ZBTB7B: variants seen among roughly 807,000 people sequenced by gnomAD.
The protein encoded by ZBTB7B is zinc finger and BTB domain-containing protein 7B.
A neutral mutation model predicts 31.0 loss-of-function variants in ZBTB7B; 8 were observed. The ratio of observed to expected loss-of-function variants is 0.26; its 90% CI spans 0.15 to 0.47. The LOEUF is 0.47. Among genes scored for constraint, ZBTB7B ranks in the 20% least tolerant of loss-of-function variants. The pLI is 0.99. For synonymous variants in ZBTB7B, 261 were observed against 307.3 expected, an observed-to-expected ratio of 0.85 and a Z score of 1.58; for missense variants, 494 against 742.4, an observed-to-expected ratio of 0.67 and a Z score of 3.89.
chr1:155,015,930 GGGC>G, intron 2 of ZBTB7B, 116 bp downstream of exon 2: 1 of 1,297,628 alleles, frequency 7.7e-7, no homozygotes, highest in South Asian at 1.4e-5. Context: ...GGAGGGACTG[GGGC>G]ATGGGTGGGT....
rs1323618418 is a variant in ZBTB7B, at chr1:155,015,489, G to A, written c.829G>A (p.Glu277Lys). Residue 277 changes from glutamate to lysine, a missense_variant, in exon 2 of 3, where the codon GAA (glutamate) becomes AAA (lysine). By Grantham distance (56) the Glu-to-Lys change is moderately conservative (BLOSUM62 1). This residue lies in a region of ZBTB7B where 216 missense variants were observed against 229.3 expected (regional missense o/e 0.94). Transcript: ENST00000535420. ...PQSYEPYEGE[E>K]EEEELVYPPA... is the part of the protein sequence containing the mutation. ...GAGCTACGAACCCTATGAGGGTGAG[G>A]AAGAAGAAGAGGAGCTGGTATATCC... 1 of 1,613,058 alleles carries A rather than the reference G, an allele frequency of 6.2e-7. No individual in the cohort carries two copies.
rs796321821 is a variant in ZBTB7B, at chr1:155,012,291, T to C, written c.-6-2364T>C. The stretch of plus-strand genomic sequence containing the variant: ...GTGGGCAGGGAAGGAGGGAGAGGGA[T>C]GGGGTGAGCCACGTGCCTGCCAGTG... On this transcript the variant is annotated intron_variant, in intron 1 of 2. Coordinates refer to ENST00000535420, the MANE Select transcript of ZBTB7B (RefSeq NM_001256455.2). Among the ~76,000 whole-genome samples the C allele has an allele frequency of 4.9e-4, 75 of 151,626 alleles. 1 individual carries two copies. Among genetic ancestry groups the C allele is most frequent in the African/African-American group, 1.7e-3 (69 of 41,328 alleles).
rs535104525 is a variant in ZBTB7B at position 155,017,695 on chromosome 1, C to G, written c.*1010C>G. 1.3e-5 allele frequency: 2 copies of G among 152,442 alleles called. No individual in the cohort carries two copies. The highest frequency in any genetic ancestry group is 6.5e-5 in the Admixed American group (1 of 15,288). The allele number at this position is 152,442 out of a possible 1,614,324, so 9.4% of individuals were successfully genotyped here. On this transcript the variant is annotated 3_prime_UTR_variant, in exon 3 of 3. Transcript: ENST00000535420. ...CGGCCATGCTCTGAGTGGGCGAGCGCCCCCCGCGGCCACTGGAGCGAGCTG... is the reference window on the plus strand; with the variant it reads ...CGGCCATGCTCTGAGTGGGCGAGCGGCCCCCGCGGCCACTGGAGCGAGCTG...
chr1:155,015,937 G>C, intron 2 of ZBTB7B, 123 bp downstream of exon 2: 1 of 1,279,800 alleles, frequency 7.8e-7, no homozygotes. Flanking sequence ...CTGGGGCATG[G>C]GTGGGTTACT....
intron 1 of ZBTB7B, chr1:155,014,367 A>AATAGT (rs1303937636): frequency 2.6e-6 from 1 of 390,560 alleles, no homozygotes; most frequent in African/African-American, 2.0e-5. Flanking sequence ...GGCAGAGTAG[A>AATAGT]ATAGTATAGT....
At chr1:155,006,403 C>G (rs1199497095) in intron 1 of ZBTB7B, among the ~76,000 whole-genome samples, 1 of 152,180 alleles carries the variant, frequency 6.6e-6, no homozygotes, top group Non-Finnish European at 1.5e-5. Context: ...AGGCCTAGCC[C>G]TGATCTCCCC....
At chr1:155,013,550 C>T (rs1368649940) in intron 1 of ZBTB7B, among the ~76,000 whole-genome samples, 1 of 152,260 alleles carries the variant, frequency 6.6e-6, no homozygotes, top group African/African-American at 2.4e-5. Context: ...GCCGACACCT[C>T]TGCCAGCCTT....
chr1:155,007,145 A>G (rs545981388), intron 1 of ZBTB7B, among the ~76,000 whole-genome samples: 3 of 152,336 alleles, frequency 2.0e-5, no homozygotes, highest in South Asian at 4.1e-4. Context: ...TATTCTTGCT[A>G]TCGCATTGCC....
Position 155,010,106 on chromosome 1 carries a change from C to T in ZBTB7B, c.-6-4549C>T, listed in dbSNP as rs189330848. 2.4e-4 allele frequency among the ~76,000 whole-genome samples: 37 copies of T among 152,218 alleles called. 1 individual carries two copies. The highest frequency in any genetic ancestry group is 6.8e-3 in the Middle Eastern group (2 of 294). ...GATGGCAGGGAATACCCAAAGGTGG[C>T]GGCGCTAAGGCTGAGAGAGTTGCCC... On this transcript the variant is annotated intron_variant, in intron 1 of 2. Transcript: ENST00000535420.
intron 1 of ZBTB7B, among the ~76,000 whole-genome samples, chr1:155,008,356 C>G (rs192206446): frequency 4.6e-5 from 7 of 152,318 alleles, no homozygotes. Flanking sequence ...AGGGCCCCAG[C>G]CCAGTACAGG....
chr1:155,012,220 C>T (rs1659039106), intron 1 of ZBTB7B, among the ~76,000 whole-genome samples: 1 of 148,822 alleles, frequency 6.7e-6, no homozygotes, highest in African/African-American at 2.5e-5. Context: ...GAGACCGGCC[C>T]TGGGGTGGGA....
chr1:155,002,335 G>T (rs549001148), upstream of ZBTB7B, among the ~76,000 whole-genome samples: 11 of 150,518 alleles, frequency 7.3e-5, no homozygotes, highest in South Asian at 4.3e-4. Flanking sequence ...AGGAGAAAGG[G>T]GGGGGAGAGA....
upstream of ZBTB7B, among the ~76,000 whole-genome samples, chr1:155,002,089 C>A (rs1370267319): frequency 6.6e-6 from 1 of 151,528 alleles, no homozygotes; most frequent in Non-Finnish European, 1.5e-5. Flanking sequence ...GTGCTCGATT[C>A]CCTGGCCGCT....
chr1:155,013,510 G>C (rs1659141588), intron 1 of ZBTB7B, among the ~76,000 whole-genome samples: 1 of 152,210 alleles, frequency 6.6e-6, no homozygotes, highest in Non-Finnish European at 1.5e-5. Context: ...ATTTAAAGCA[G>C]GTCTCACCCC....
chr1:155,014,487 A>G (rs910467004), intron 1 of ZBTB7B, 168 bp from the exon 2 acceptor site: 8 of 646,770 alleles, frequency 1.2e-5, no homozygotes, highest in Non-Finnish European at 1.9e-5. Context: ...TGTGAAACAG[A>G]TGATGATCAT....
rs1173115370 is a variant in ZBTB7B at position 155,014,652 on chromosome 1, C to G, written c.-6-3C>G. 1 of 1,608,504 alleles carries G rather than the reference C, an allele frequency of 6.2e-7. No homozygotes were observed. The highest frequency in any genetic ancestry group is 1.1e-5 in the South Asian group (1 of 90,344). ...TTAATCTCCCCTCTACTTGACTCTG[C>G]AGGAGAAGATGGGGAGCCCCGAGGA... On this transcript the variant is annotated splice_polypyrimidine_tract_variant and splice_region_variant and intron_variant, in intron 1 of 2. Coordinates refer to ENST00000535420, the MANE Select transcript of ZBTB7B (RefSeq NM_001256455.2).
chr1:155,016,774 C>T lies in ZBTB7B; in HGVS notation c.*89C>T, dbSNP rs1160697274. On this transcript the variant is annotated 3_prime_UTR_variant, in exon 3 of 3. Transcript: ENST00000535420. The surrounding 1 kb of genome is among the most constrained non-coding windows in gnomAD (Gnocchi z 4.3). ...CACGCAGGACAGACACAGCAGGGGT[C>T]TGGGGCACGGAGCCTTGCTGGCATC... 1.6e-5 allele frequency: 12 copies of T among 750,452 alleles called. No individual in the cohort carries two copies. The highest frequency in any genetic ancestry group is 2.4e-5 in the Non-Finnish European group (11 of 462,502). The allele number at this position is 750,452 out of a possible 1,614,324, so 46.5% of individuals were successfully genotyped here. A position where few individuals can be genotyped will look rare whatever the true frequency, so the allele number is the denominator to read the frequency against.
Position 155,016,449 on chromosome 1 carries a change from C to T in ZBTB7B, c.1384C>T (p.Arg462Cys), listed in dbSNP as rs144528564. The change falls in exon 3 of 3, where the codon CGC becomes TGC. Residue 462 changes from arginine to cysteine, a missense_variant. Arg to Cys is a radical substitution (Grantham distance 180). Around this residue, in one of 5 missense-constraint regions of ZBTB7B, gnomAD observed 101 missense variants for 119.5 expected, o/e 0.85. Coordinates refer to ENST00000535420, the MANE Select transcript of ZBTB7B (RefSeq NM_001256455.2). This position sits in a 1 kb window ranked among gnomAD's most constrained non-coding sequence, Gnocchi z 4.3. The part of the protein sequence containing the change: ...QNCLEVRTRR[R>C]RKDDAPPHYP... ...CTGCCTGGAGGTGCGCACCCGACGG[C>T]GCCGCAAGGACGATGCACCACCCCA... 2.5e-6 allele frequency: 4 copies of T among 1,614,040 alleles called. No homozygotes were observed. Among genetic ancestry groups the T allele is most frequent in the Admixed American group, 1.7e-5 (1 of 60,024 alleles).
chr1:155,011,572 G>A (rs895086227), intron 1 of ZBTB7B, among the ~76,000 whole-genome samples: 2 of 152,214 alleles, frequency 1.3e-5, no homozygotes, highest in African/African-American at 2.4e-5. Context: ...GGGAAAGAGG[G>A]GAGTGATGGG....
Sources: gnomAD v4.1 joint callset for allele counts (sites outside exome capture counted in the v4.1 genomes callset) on GRCh38, gnomAD v4.1.1 for gene constraint, gnomAD v4.1.1 regional missense constraint, Gnocchi (gnomAD v3.1) non-coding constraint, MANE v1.5 for transcripts, NCBI Gene and HGNC (gene_info 2026-07-23, HGNC 2026-07-21) for gene names.